The following ZDHHC2 variants were observed in gnomAD, a reference collection of about 807,000 sequenced individuals.
ZDHHC2 encodes zDHHC palmitoyltransferase 2.
Under a neutral mutation model 55.6 loss-of-function variants are expected in ZDHHC2, and 51 were observed. That is an observed-to-expected ratio of 0.92 (90% CI 0.73 to 1.16). The LOEUF (loss-of-function observed/expected upper bound fraction) is 1.16. Ranked by LOEUF, ZDHHC2 falls within the 50% of genes most tolerant of loss-of-function variation. The pLI is 0.00. For synonymous variants in ZDHHC2, 199 were observed against 152.9 expected (o/e 1.30, Z -2.22); for missense variants, 491 against 442.4 (o/e 1.11, Z -0.99).
chr8:17,166,717 G>A (rs754130251), intron 1 of ZDHHC2, among the ~76,000 whole-genome samples: 1 of 152,132 alleles, frequency 6.6e-6, no homozygotes, highest in Non-Finnish European at 1.5e-5. Flanking sequence ...GGAAAACTGA[G>A]AGAGTGTGGT....
chr8:17,198,502 G>C, intron 6 of ZDHHC2, 89 bp downstream of exon 6: 1 of 1,229,652 alleles, frequency 8.1e-7, no homozygotes, highest in Non-Finnish European at 1.1e-6. Flanking sequence ...TTTCACACAT[G>C]AAATATTACT....
chr8:17,204,786 T>C (rs970162422), intron 6 of ZDHHC2, among the ~76,000 whole-genome samples: 2 of 152,154 alleles, frequency 1.3e-5, no homozygotes, highest in African/African-American at 2.4e-5. Context: ...CTAACAAACC[T>C]GCACTTGTAT....
At chr8:17,156,901 C>G in intron 1 of ZDHHC2, 48 bp downstream of exon 1, 1 of 1,460,260 alleles carries the variant, frequency 6.8e-7, no homozygotes, top group Non-Finnish European at 9.1e-7. Context: ...GCAGCCCACC[C>G]CGACTGTCCC....
At chr8:17,158,502 G>A (rs1563427695) in intron 1 of ZDHHC2, among the ~76,000 whole-genome samples, 1 of 152,204 alleles carries the variant, frequency 6.6e-6, no homozygotes, top group Admixed American at 6.5e-5. Context: ...TCTTCTGCCC[G>A]TTAGAAGGAT....
intron 10 of ZDHHC2, 91 bp from the exon 11 acceptor site, chr8:17,215,146 G>A: frequency 9.3e-7 from 1 of 1,076,278 alleles, no homozygotes; most frequent in Non-Finnish European, 1.4e-6. Flanking sequence ...TGCATTGCAA[G>A]TGGTTTTGGT....
intron 5 of ZDHHC2, among the ~76,000 whole-genome samples, 167 bp downstream of exon 5, chr8:17,197,818 C>T (rs1410295346): frequency 6.6e-6 from 1 of 152,182 alleles, no homozygotes; most frequent in Admixed American, 6.5e-5. Flanking sequence ...ACCAGTGAGG[C>T]CTAAGGCCAC....
At chr8:17,170,585 G>A (rs1342216852) in intron 1 of ZDHHC2, among the ~76,000 whole-genome samples, 1 of 152,194 alleles carries the variant, frequency 6.6e-6, no homozygotes, top group African/African-American at 2.4e-5. Flanking sequence ...AACCCTGCTA[G>A]ATGGTTTTAG....
At chr8:17,197,062 A>AT (rs1806354820) in intron 4 of ZDHHC2, among the ~76,000 whole-genome samples, 1 of 152,184 alleles carries the variant, frequency 6.6e-6, no homozygotes, top group African/African-American at 2.4e-5. Context: ...AGATGTGCTT[A>AT]TATATGTTTA....
chr8:17,198,051 A>G (rs2150925541), intron 5 of ZDHHC2, among the ~76,000 whole-genome samples: 2 of 152,314 alleles, frequency 1.3e-5, no homozygotes, highest in Admixed American at 1.3e-4. Flanking sequence ...GGGAAGTTTT[A>G]TCCAGACTTT....
intron 4 of ZDHHC2, 77 bp downstream of exon 4, chr8:17,195,701 G>A: frequency 1.9e-6 from 3 of 1,565,198 alleles, no homozygotes; most frequent in Non-Finnish European, 2.6e-6. Context: ...GTGTGTTTAT[G>A]TACTTGAAAT....
chr8:17,194,944 C>T (rs556668404), intron 3 of ZDHHC2, among the ~76,000 whole-genome samples: 3 of 152,052 alleles, frequency 2.0e-5, no homozygotes, highest in Admixed American at 6.6e-5. Flanking sequence ...TAAACAGAAG[C>T]CCAAATTTTC....
intron 6 of ZDHHC2, among the ~76,000 whole-genome samples, chr8:17,198,937 C>T (rs17124196): frequency 0.18 from 26,851 of 152,110 alleles, 2,612 homozygotes; most frequent in African/African-American, 0.25. Context: ...GTCACGAAAT[C>T]AGGTAATTTA....
intron 1 of ZDHHC2, among the ~76,000 whole-genome samples, chr8:17,176,763 A>G (rs1027375161): frequency 6.6e-6 from 1 of 152,148 alleles, no homozygotes; most frequent in Admixed American, 6.5e-5. Context: ...TTTGGAGAGA[A>G]AGGCAGGCGT....
chr8:17,216,163 A>G (rs553581518), intron 11 of ZDHHC2, among the ~76,000 whole-genome samples: 5 of 152,194 alleles, frequency 3.3e-5, no homozygotes, highest in Non-Finnish European at 7.4e-5. Context: ...ATTGACTACT[A>G]ACCTTTTCTC....
chr8:17,177,345 A>G (rs1053685974), intron 1 of ZDHHC2, among the ~76,000 whole-genome samples: 1 of 152,198 alleles, frequency 6.6e-6, no homozygotes, highest in Non-Finnish European at 1.5e-5. Flanking sequence ...TTTTCCTGTG[A>G]AAAGGCCAGA....
At chr8:17,158,176 G>T (rs751925339) in intron 1 of ZDHHC2, among the ~76,000 whole-genome samples, 13 of 152,100 alleles carry the variant, frequency 8.5e-5, no homozygotes, top group Non-Finnish European at 1.3e-4. Context: ...GTATGCAGTC[G>T]TCAAGTCATC....
chr8:17,169,634 C>G (rs1302042849), intron 1 of ZDHHC2, among the ~76,000 whole-genome samples: 2 of 152,130 alleles, frequency 1.3e-5, no homozygotes, highest in East Asian at 1.9e-4. Context: ...CGATTCTGAT[C>G]CGCAGCACAG....
intron 2 of ZDHHC2, among the ~76,000 whole-genome samples, chr8:17,185,816 C>G (rs1379506125): frequency 2.6e-5 from 4 of 152,186 alleles, no homozygotes; most frequent in Non-Finnish European, 4.4e-5. Flanking sequence ...TGAACTCCCA[C>G]TGAAGGAAAT....
At chr8:17,192,872 G>C (rs1022065224) in intron 3 of ZDHHC2, among the ~76,000 whole-genome samples, 2 of 152,176 alleles carry the variant, frequency 1.3e-5, no homozygotes, top group Non-Finnish European at 2.9e-5. Flanking sequence ...TTACTGAAGA[G>C]ACTGCCCTTT....
Sources: allele counts gnomAD v4.1 joint callset (sites outside exome capture counted in the v4.1 genomes callset), GRCh38; gene constraint gnomAD v4.1.1; transcripts MANE v1.5; gene names NCBI Gene and HGNC (gene_info 2026-07-23, HGNC 2026-07-21).